The following C4orf36 variants were observed in gnomAD, a reference collection of about 807,000 sequenced individuals.
C4orf36 encodes uncharacterized protein C4orf36.
In C4orf36, 11 loss-of-function variants were observed where a neutral mutation model predicts 12.2. The ratio of observed to expected loss-of-function variants is 0.90; its 90% CI spans 0.57 to 1.49. C4orf36 has a LOEUF of 1.49. Among genes scored for constraint, C4orf36 ranks in the 40% most tolerant of loss-of-function variants. The pLI is 0.00. For missense variants in C4orf36, 137 were observed against 133.9 expected, an observed-to-expected ratio of 1.02 and a Z score of -0.11; for synonymous variants, 54 against 51.3, an observed-to-expected ratio of 1.05 and a Z score of -0.22.
At chr4:86,890,000 G>T in intron 2 of C4orf36, 1 of 449,092 alleles carries the variant, frequency 2.2e-6, no homozygotes, top group South Asian at 1.6e-5. Flanking sequence ...AGACTAGCCT[G>T]GGCAACAAAG....
At chr4:86,885,559 A>G (rs1254177333) in intron 4 of C4orf36, among the ~76,000 whole-genome samples, 1 of 152,164 alleles carries the variant, frequency 6.6e-6, no homozygotes, top group Non-Finnish European at 1.5e-5. Context: ...GTATCCTGAG[A>G]CTTTGCTGAA....
chr4:86,909,940 G>C, the C4orf36 span, among the ~76,000 whole-genome samples: 9,162 of 142,288 alleles, frequency 0.064, 409 homozygotes, highest in Non-Finnish European at 0.092. Context: ...AAAAATAGCG[G>C]AACTTCTAGG....
intron 2 of C4orf36, chr4:86,890,199 G>C (rs1440004973): frequency 4.1e-6 from 1 of 245,644 alleles, no homozygotes; most frequent in Non-Finnish European, 8.7e-6. Flanking sequence ...GGGAGGGAGG[G>C]AGGGAGGGAG....
chr4:86,906,907 G>T, the C4orf36 span, among the ~76,000 whole-genome samples: 2 of 152,054 alleles, frequency 1.3e-5, no homozygotes, highest in Non-Finnish European at 2.9e-5. Flanking sequence ...AGGCATGGTA[G>T]TGCACACCTG....
At chr4:86,913,428 A>G in the C4orf36 span, 1 of 741,742 alleles carries the variant, frequency 1.3e-6, no homozygotes, top group Non-Finnish European at 2.5e-6. Flanking sequence ...TGCGGTCCTC[A>G]GTCGTGGCCC....
the C4orf36 span, among the ~76,000 whole-genome samples, chr4:86,902,644 T>C: frequency 9.9e-5 from 15 of 152,124 alleles, no homozygotes; most frequent in Admixed American, 2.0e-4. Flanking sequence ...TCCTACTACC[T>C]GCAACATCCA....
At chr4:86,888,900 T>C (rs1464046469) in intron 2 of C4orf36, among the ~76,000 whole-genome samples, 4 of 152,220 alleles carry the variant, frequency 2.6e-5, no homozygotes, top group African/African-American at 9.6e-5. Flanking sequence ...CAGCCACCCC[T>C]TTGTTTACCT....
intron 4 of C4orf36, among the ~76,000 whole-genome samples, chr4:86,879,067 TG>T (rs1234133595): frequency 6.6e-6 from 1 of 152,182 alleles, no homozygotes; most frequent in African/African-American, 2.4e-5. Context: ...TTATTTGGTT[TG>T]GGGGGTTTTG....
the C4orf36 span, among the ~76,000 whole-genome samples, chr4:86,916,233 G>T: frequency 6.6e-6 from 1 of 152,088 alleles, no homozygotes; most frequent in Non-Finnish European, 1.5e-5. Flanking sequence ...TGGGGAATAG[G>T]TATGTTGATG....
chr4:86,889,017 T>C (rs945522524), intron 2 of C4orf36, among the ~76,000 whole-genome samples: 10 of 152,174 alleles, frequency 6.6e-5, no homozygotes, highest in South Asian at 2.1e-4. Context: ...AGAGTGTTCA[T>C]TGAAGTGTTG....
At chr4:86,924,699 T>C in the C4orf36 span, 1 of 152,244 alleles carries the variant, frequency 6.6e-6, no homozygotes, top group East Asian at 1.9e-4. Flanking sequence ...TGGGTCCTTG[T>C]GTGACAAATT....
At chr4:86,899,906 A>G in the C4orf36 span, among the ~76,000 whole-genome samples, 11 of 152,230 alleles carry the variant, frequency 7.2e-5, no homozygotes, top group Non-Finnish European at 1.3e-4. Context: ...TACATTTTGC[A>G]AAGTGTGAGT....
the C4orf36 span, among the ~76,000 whole-genome samples, chr4:86,901,568 C>T: frequency 2.0e-5 from 3 of 147,678 alleles, no homozygotes; most frequent in African/African-American, 4.9e-5. Flanking sequence ...CCACCGCACC[C>T]GGCTAATTTT....
chr4:86,914,369 C>A, the C4orf36 span: 12 of 1,225,890 alleles, frequency 9.8e-6, no homozygotes, highest in South Asian at 1.3e-4. Flanking sequence ...CTTTCACCCC[C>A]CGGCTCCCGT....
chr4:86,885,358 TC>T (rs1454492721), intron 4 of C4orf36, among the ~76,000 whole-genome samples: 22 of 152,182 alleles, frequency 1.4e-4, no homozygotes, highest in African/African-American at 5.3e-4. Context: ...TTTGTTTGTG[TC>T]CTCTTTTATT....
the C4orf36 span, among the ~76,000 whole-genome samples, chr4:86,918,155 C>T: frequency 7.9e-5 from 12 of 152,266 alleles, no homozygotes; most frequent in African/African-American, 2.9e-4. Flanking sequence ...GAGGGCTATG[C>T]CCTCCTGACC....
chr4:86,932,711 A>G, the C4orf36 span, among the ~76,000 whole-genome samples: 3 of 143,808 alleles, frequency 2.1e-5, no homozygotes, highest in Non-Finnish European at 4.5e-5. Context: ...AGGAGCCCTC[A>G]TATGAAGAAG....
chr4:86,876,435 C>T lies in C4orf36; in HGVS notation c.*11G>A. 1 of 1,613,364 alleles carries T rather than the reference C, an allele frequency of 6.2e-7. No homozygotes were observed. The highest frequency in any genetic ancestry group is 8.5e-7 in the Non-Finnish European group (1 of 1,179,542). ...GCTGAGTTTCTTCATCTACAATCCG[C>T]GCTTCAGGCTGCGCAAAGGAGAGGG... On this transcript the variant is annotated 3_prime_UTR_variant, in exon 5 of 5. Transcript: ENST00000295898.
the C4orf36 span, among the ~76,000 whole-genome samples, chr4:86,915,465 G>T: frequency 3.1e-3 from 475 of 152,288 alleles, no homozygotes; most frequent in African/African-American, 0.011. Flanking sequence ...TTTAGGGTGG[G>T]CCTTAATTCA....
Sources: allele counts gnomAD v4.1 joint callset (sites outside exome capture counted in the v4.1 genomes callset), GRCh38; gene constraint gnomAD v4.1.1; transcripts MANE v1.5; gene names NCBI Gene and HGNC (gene_info 2026-07-23, HGNC 2026-07-21).